Variants in OSBPL8 observed in about 807,000 individuals in gnomAD.
OSBPL8 encodes the protein oxysterol-binding protein-related protein 8.
In OSBPL8, 59 loss-of-function variants were observed where a neutral mutation model predicts 125.5. The observed-to-expected ratio is 0.47, with a 90% CI of 0.38 to 0.58. OSBPL8 has a LOEUF of 0.58. Ranked by LOEUF, OSBPL8 falls within the 20% of genes least tolerant of loss-of-function variation. The pLI is 0.00. For synonymous variants in OSBPL8, 330 were observed against 338.9 expected, an observed-to-expected ratio of 0.97 and a Z score of 0.29; for missense variants, 758 against 1,047.8, an observed-to-expected ratio of 0.72 and a Z score of 3.82.
At chr12:76,481,995 T>C (rs1455378777) in intron 2 of OSBPL8, among the ~76,000 whole-genome samples, 1 of 152,208 alleles carries the variant, frequency 6.6e-6, no homozygotes, top group African/African-American at 2.4e-5. Context: ...AAAAATCAGT[T>C]ACAGGAAGTT....
intron 4 of OSBPL8, among the ~76,000 whole-genome samples, chr12:76,440,655 A>G (rs1211426222): frequency 6.6e-6 from 1 of 152,190 alleles, no homozygotes; most frequent in Non-Finnish European, 1.5e-5. Context: ...TTCACCTAGA[A>G]TCAAGACCAA....
chr12:76,357,616 T>C (rs138557962), intron 22 of OSBPL8, among the ~76,000 whole-genome samples: 1 of 152,208 alleles, frequency 6.6e-6, no homozygotes, highest in Non-Finnish European at 1.5e-5. Context: ...TACTCTAGTA[T>C]GTTACCCCTA....
intron 1 of OSBPL8, among the ~76,000 whole-genome samples, chr12:76,528,855 A>T (rs1950256124): frequency 6.6e-6 from 1 of 151,818 alleles, no homozygotes; most frequent in Admixed American, 6.6e-5. Context: ...CCCTGTCTCA[A>T]AAAAATAAAA....
chr12:76,372,227 A>C (rs1952648465), intron 18 of OSBPL8, among the ~76,000 whole-genome samples: 1 of 151,996 alleles, frequency 6.6e-6, no homozygotes, highest in Admixed American at 6.6e-5. Flanking sequence ...TCTGTCTGAG[A>C]CAGGGTCTTG....
At chr12:76,531,173 AGT>A (rs1359289651) in intron 1 of OSBPL8, among the ~76,000 whole-genome samples, 1 of 152,208 alleles carries the variant, frequency 6.6e-6, no homozygotes, top group Non-Finnish European at 1.5e-5. Flanking sequence ...GACAGAGAAG[AGT>A]GAGCAAGAGC....
Position 76,513,206 on chromosome 12 carries a change from T to C in OSBPL8, c.-67-25588A>G, listed in dbSNP as rs527808684. ...CGTTTGCATTTGCTGAGGATTGTTT[T>C]ATATCCAATTATGTGATTGCTTTCA... On this transcript the variant is annotated intron_variant, in intron 1 of 23. Transcript: ENST00000261183. Among the ~76,000 whole-genome samples the C allele has an allele frequency of 2.0e-5, 3 of 152,344 alleles. No homozygotes were observed. The South Asian group carries it at 6.2e-4, about 32-fold the overall frequency.
chr12:76,451,020 T>A (rs1418216286), intron 3 of OSBPL8, 32 bp from the exon 4 acceptor site: 1 of 1,600,122 alleles, frequency 6.2e-7, no homozygotes, highest in Admixed American at 1.7e-5. Context: ...TAATTAGTAC[T>A]GAAGTCACAG....
At chr12:76,438,352 G>C (rs1023737369) in intron 4 of OSBPL8, among the ~76,000 whole-genome samples, 1 of 151,034 alleles carries the variant, frequency 6.6e-6, no homozygotes, top group Non-Finnish European at 1.5e-5. Flanking sequence ...GCTCACGCTG[G>C]AGAGCAGTGG....
intron 8 of OSBPL8, among the ~76,000 whole-genome samples, chr12:76,396,014 T>C (rs745937785): frequency 6.6e-6 from 1 of 150,694 alleles, no homozygotes; most frequent in South Asian, 2.1e-4. Flanking sequence ...TATATACATA[T>C]ATGTGTGTAT....
chr12:76,390,704 T>C (rs1313192828), intron 10 of OSBPL8, 47 bp from the exon 11 acceptor site: 1 of 1,094,014 alleles, frequency 9.1e-7, no homozygotes, highest in East Asian at 2.4e-5. Flanking sequence ...ATGTTAAGAA[T>C]GCTCAATTCA....
rs888045702 is a variant in OSBPL8, at chr12:76,450,730, T to C, written c.217+121A>G. The stretch of plus-strand genomic sequence containing the variant: ...ACCTAAACAAAACAAACAAAACCCC[T>C]TACAAAACCAAATAGTTAAAAAGAA... On this transcript the variant is annotated intron_variant, in intron 4 of 23. Transcript: ENST00000261183. 2.5e-5 allele frequency: 25 copies of C among 1,014,604 alleles called. No individual in the cohort carries two copies. In the African/African-American group the frequency reaches 3.9e-4, roughly 16 times the overall value. 62.9% of individuals were successfully genotyped at this position (1,014,604 alleles called of 1,614,324 possible). A position where few individuals can be genotyped will look rare whatever the true frequency, so the allele number is the denominator to read the frequency against.
chr12:76,380,528 C>CAAAAAAAA (rs3038514), intron 15 of OSBPL8, among the ~76,000 whole-genome samples: 1 of 89,262 alleles, frequency 1.1e-5, no homozygotes, highest in Non-Finnish European at 2.1e-5. Flanking sequence ...GACACTGTCC[C>CAAAAAAAA]AAAAAAAAAA....
intron 3 of OSBPL8, among the ~76,000 whole-genome samples, chr12:76,453,333 T>C (rs556126608): frequency 6.6e-6 from 1 of 152,328 alleles, no homozygotes; most frequent in African/African-American, 2.4e-5. Context: ...TTTCAGTTAC[T>C]AAATCCAAGA....
At chr12:76,358,855 G>A in intron 21 of OSBPL8, 44 bp from the exon 22 acceptor site, 4 of 1,467,082 alleles carry the variant, frequency 2.7e-6, no homozygotes, top group Non-Finnish European at 3.8e-6. Flanking sequence ...ACTGTATTTT[G>A]GACTAAAGAC....
chr12:76,460,963 A>G (rs1874646331), intron 2 of OSBPL8, among the ~76,000 whole-genome samples: 2 of 152,170 alleles, frequency 1.3e-5, no homozygotes, highest in Admixed American at 6.5e-5. Flanking sequence ...TCTTGGACCT[A>G]TTCCTTCCCT....
chr12:76,417,551 C>T (rs1327453369), intron 4 of OSBPL8, among the ~76,000 whole-genome samples: 1 of 151,994 alleles, frequency 6.6e-6, no homozygotes, highest in Non-Finnish European at 1.5e-5. Context: ...TTCATCTTTT[C>T]CCTCCCTGCT....
rs1951836607 is a variant in OSBPL8 at position 76,351,886 on chromosome 12, A to C, written c.*4003T>G. 6.6e-6 allele frequency: 1 copy of C among 152,268 alleles called. No individual in the cohort carries two copies. The highest frequency in any genetic ancestry group is 2.1e-4 in the South Asian group (1 of 4,836). 9.4% of individuals were successfully genotyped at this position (152,268 alleles called of 1,614,324 possible). A position where few individuals can be genotyped will look rare whatever the true frequency, so the allele number is the denominator to read the frequency against. On this transcript the variant is annotated 3_prime_UTR_variant, in exon 24 of 24. Transcript: ENST00000261183. ...ATTAGAAAAATTCTTTTCTTTCTGCAAACAGTTATAATAGGTTAGGAATAA... is the reference window on the plus strand; with the variant it reads ...ATTAGAAAAATTCTTTTCTTTCTGCCAACAGTTATAATAGGTTAGGAATAA...
intron 1 of OSBPL8, among the ~76,000 whole-genome samples, chr12:76,557,896 A>C (rs1322554397): frequency 1.3e-5 from 2 of 152,212 alleles, no homozygotes; most frequent in African/African-American, 4.8e-5. Context: ...CAGAGATTCA[A>C]TAACTATTAT....
chr12:76,403,355 TCA>T (rs1418235672), intron 5 of OSBPL8, among the ~76,000 whole-genome samples: 4 of 152,228 alleles, frequency 2.6e-5, no homozygotes, highest in Non-Finnish European at 5.9e-5. Context: ...TTCCAGACTT[TCA>T]GTTTACACTT....
Sources: allele counts gnomAD v4.1 joint callset (sites outside exome capture counted in the v4.1 genomes callset), GRCh38; gene constraint gnomAD v4.1.1; transcripts MANE v1.5; gene names NCBI Gene and HGNC (gene_info 2026-07-23, HGNC 2026-07-21).